The following TANC1 variants were observed in gnomAD, a reference collection of about 807,000 sequenced individuals.
TANC1 encodes protein TANC1.
Under a neutral mutation model 149.7 loss-of-function variants are expected in TANC1, and 77 were observed. That is an observed-to-expected ratio of 0.51 (90% confidence interval 0.43 to 0.62). The LOEUF (loss-of-function observed/expected upper bound fraction) is 0.62, where lower values mean the gene tolerates loss of function less well. Ranked by LOEUF, TANC1 falls within the 20% of genes least tolerant of loss-of-function variation. TANC1 has a pLI of 0.00. For synonymous variants in TANC1, 854 were observed against 925.0 expected, an observed-to-expected ratio of 0.92 and a Z score of 1.39; for missense variants, 1,985 against 2,321.8, an observed-to-expected ratio of 0.85 and a Z score of 2.98.
chr2:159,182,519 C>G (rs1468632994), intron 14 of TANC1, among the ~76,000 whole-genome samples: 3 of 152,188 alleles, frequency 2.0e-5, no homozygotes, highest in African/African-American at 2.4e-5. Context: ...CTCTCTTAAT[C>G]TATAGTTTCT....
intron 4 of TANC1, among the ~76,000 whole-genome samples, chr2:159,135,603 T>C (rs2050584094): frequency 1.3e-5 from 2 of 152,252 alleles, no homozygotes; most frequent in Admixed American, 1.3e-4. Context: ...TGTTGGTCTC[T>C]CCTATGTCTG....
chr2:159,229,523 ACT>A (rs1432689999), intron 26 of TANC1, 53 bp from the exon 27 acceptor site: 2 of 1,378,312 alleles, frequency 1.5e-6, no homozygotes, highest in Non-Finnish European at 2.0e-6. Flanking sequence ...GAACAGTTAC[ACT>A]CTGAGCATGT....
At position 159,174,974 on chromosome 2, in the gene TANC1, C is replaced by T; in HGVS notation, c.1525C>T (p.Gln509Ter). The change falls in exon 12 of 27, where the codon CAG becomes TAG. Residue 509 changes from glutamine to a stop codon, truncating the protein, a stop_gained. Coordinates refer to ENST00000263635, the MANE Select transcript of TANC1 (RefSeq NM_033394.3). LOFTEE classifies it high-confidence loss of function. ...ASKVVAYHYC[Q>*]ADNTYTCLVP... ...CTAGGTGGTGGCCTACCACTACTGC[C>T]AGGCTGACAACACGTACACTTGCCT... The T allele has an allele frequency of 1.2e-6, 2 of 1,614,060 alleles. No homozygotes were observed. The highest frequency in any genetic ancestry group is 1.7e-6 in the Non-Finnish European group (2 of 1,179,972).
chr2:159,003,805 G>A (rs561202225), intron 2 of TANC1, among the ~76,000 whole-genome samples: 5 of 152,194 alleles, frequency 3.3e-5, no homozygotes, highest in Non-Finnish European at 7.3e-5. Context: ...GCCGCGTGCT[G>A]GTGTTGGAGG....
chr2:159,022,183 A>T (rs76946289), intron 2 of TANC1, among the ~76,000 whole-genome samples: 13,060 of 152,160 alleles, frequency 0.086, 631 homozygotes, highest in Non-Finnish European at 0.11. Flanking sequence ...TCTGGAGGTG[A>T]CACTACTTAT....
At chr2:159,229,226 G>A (rs2060203144) in intron 26 of TANC1, among the ~76,000 whole-genome samples, 1 of 152,150 alleles carries the variant, frequency 6.6e-6, no homozygotes. Context: ...GTTCAGAGGT[G>A]GGGAAGAGTG....
Position 159,162,414 on chromosome 2 carries a change from G to A in TANC1, c.683-869G>A, listed in dbSNP as rs28485837. Among the ~76,000 whole-genome samples, 316 of 152,326 alleles carry A rather than the reference G, an allele frequency of 2.1e-3. 1 individual carries two copies. The highest frequency in any genetic ancestry group is 2.7e-3 in the Non-Finnish European group (185 of 68,024). ...AGCCAGCGTTAGTTCTAACAGTGGG[G>A]CAGTGTGAGTGGCCCAGGTGATGAT... On this transcript the variant is annotated intron_variant, in intron 7 of 26. Transcript: ENST00000263635.
intron 10 of TANC1, 21 bp downstream of exon 10, chr2:159,170,826 T>C (rs756392329): frequency 6.2e-7 from 1 of 1,607,506 alleles, no homozygotes; most frequent in Non-Finnish European, 8.5e-7. Flanking sequence ...GTTTAATTAC[T>C]TGTCTAGTTT....
chr2:159,101,220 A>T (rs1343679171), intron 4 of TANC1, among the ~76,000 whole-genome samples: 1 of 152,238 alleles, frequency 6.6e-6, no homozygotes, highest in Non-Finnish European at 1.5e-5. Flanking sequence ...GAAACTCTTC[A>T]CTAATTGATG....
At chr2:159,209,463 G>T (rs558874072) in intron 19 of TANC1, among the ~76,000 whole-genome samples, 1 of 152,312 alleles carries the variant, frequency 6.6e-6, no homozygotes, top group East Asian at 1.9e-4. Flanking sequence ...ATTTCTAGAA[G>T]GTGGGGCGGG....
In TANC1 at chr2:159,219,370, GT is replaced by G. The variant is rs1277108037; in HGVS notation, c.3502+10del. On this transcript the variant is annotated intron_variant, in intron 21 of 26. Transcript: ENST00000263635. ...ATTCCTCCTTTCAAAAGGTAGCAGC[GT>G]GATGCCCTCAAAGGTTTCTTTTGGA... is the stretch of plus-strand genomic sequence containing the variant. 5 of 1,585,522 alleles carry G rather than the reference GT, an allele frequency of 3.2e-6. No individual in the cohort carries two copies. In the Admixed American group the frequency reaches 5.2e-5, roughly 16 times the overall value.
chr2:159,108,215 T>C lies in TANC1; in HGVS notation c.259+10381T>C, dbSNP rs534269499. Among the ~76,000 whole-genome samples the C allele has an allele frequency of 1.3e-4, 20 of 152,340 alleles. 1 individual carries two copies. The highest frequency in any genetic ancestry group is 1.0e-3 in the South Asian group (5 of 4,828). On this transcript the variant is annotated intron_variant, in intron 4 of 26. Transcript: ENST00000263635. ...GACGCTTTAGGTCCAGCCTCCCTCT[T>C]AGGGCTTTTCTGTCCAGGCGCTGAG...
rs55894080 is a variant in TANC1 at position 159,152,463 on chromosome 2, A to ATT, written c.682+1927_682+1928dup. On this transcript the variant is annotated intron_variant, in intron 7 of 26. Coordinates refer to ENST00000263635, the MANE Select transcript of TANC1 (RefSeq NM_033394.3). ...ATTACATGCCTTTGATTATAACCAA[A>ATT]TTTTTTTTTTTTTTTTTTTTTGCTT... Among the ~76,000 whole-genome samples the ATT allele has an allele frequency of 4.6e-3, 548 of 118,038 alleles. 1 individual carries two copies. Among genetic ancestry groups the ATT allele is most frequent in the Non-Finnish European group, 6.6e-3 (375 of 56,532 alleles). 77.4% of individuals were successfully genotyped at this position (118,038 alleles called of 152,430 possible).
intron 2 of TANC1, among the ~76,000 whole-genome samples, chr2:159,051,237 G>T (rs979015099): frequency 1.3e-5 from 2 of 152,164 alleles, no homozygotes; most frequent in Admixed American, 6.5e-5. Context: ...TGGTAACTGG[G>T]CTACATGTAC....
chr2:159,193,217 G>A (rs2057590295), intron 16 of TANC1, among the ~76,000 whole-genome samples: 1 of 152,136 alleles, frequency 6.6e-6, no homozygotes, highest in Non-Finnish European at 1.5e-5. Flanking sequence ...GTTTCACTCA[G>A]TATTTGTTCT....
chr2:159,177,648 T>C (rs1057417036), intron 13 of TANC1, among the ~76,000 whole-genome samples: 4 of 152,232 alleles, frequency 2.6e-5, no homozygotes, highest in African/African-American at 9.6e-5. Flanking sequence ...TCAGATAGCA[T>C]CCATGTAAAA....
In TANC1 at chr2:159,229,887, C is replaced by T. The variant is rs929613995; in HGVS notation, c.4461C>T (p.Tyr1487=). ...CATCCTCATCTGTCCCTTCCTCATA[C>T]ATCCGAAACCTTCAAGAAGGGTTAC... is the stretch of plus-strand genomic sequence containing the variant. ...SQPSSSVPSS[Y]IRNLQEGLQS... is the part of the protein sequence containing the mutation. Residue 1487 remains tyrosine, a synonymous_variant, in exon 27 of 27, where the codon TAC becomes TAT. Coordinates refer to ENST00000263635, the MANE Select transcript of TANC1 (RefSeq NM_033394.3). 1.2e-6 allele frequency: 2 copies of T among 1,614,122 alleles called. No homozygotes were observed. The highest frequency in any genetic ancestry group is 2.2e-5 in the East Asian group (1 of 44,866).
At chr2:159,136,055 C>CGA in intron 4 of TANC1, 139 bp from the exon 5 acceptor site, 2 of 378,722 alleles carry the variant, frequency 5.3e-6, no homozygotes, top group African/African-American at 6.7e-5. Context: ...TGTGTGCGCG[C>CGA]GCGCGCGTTT....
Position 159,229,888 on chromosome 2 carries a change from A to G in TANC1, c.4462A>G (p.Ile1488Val). The G allele has an allele frequency of 6.2e-7, 1 of 1,614,058 alleles. No homozygotes were observed. Among genetic ancestry groups the G allele is most frequent in the Non-Finnish European group, 8.5e-7 (1 of 1,180,028 alleles). ...QPSSSVPSSY[I>V]RNLQEGLQSK... is the part of the protein sequence containing the mutation. The stretch of plus-strand genomic sequence containing the variant: ...ATCCTCATCTGTCCCTTCCTCATAC[A>G]TCCGAAACCTTCAAGAAGGGTTACA... The change falls in exon 27 of 27, where the codon ATC (isoleucine) becomes GTC (valine). Residue 1488 changes from isoleucine to valine, a missense_variant. Around this residue, in one of 3 missense-constraint regions of TANC1, gnomAD observed 920 missense variants for 994.7 expected, o/e 0.92. Transcript: ENST00000263635.
Sources: allele counts gnomAD v4.1 joint callset (sites outside exome capture counted in the v4.1 genomes callset), GRCh38; gene constraint gnomAD v4.1.1; regional missense constraint gnomAD v4.1.1; transcripts MANE v1.5; gene names NCBI Gene and HGNC (gene_info 2026-07-23, HGNC 2026-07-21).